Variants in ZNF407 observed in about 807,000 individuals in gnomAD.
ZNF407 encodes the protein zinc finger protein 407.
A neutral mutation model predicts 131.2 loss-of-function variants in ZNF407; 17 were observed. The ratio of observed to expected loss-of-function variants is 0.13; its 90% CI spans 0.09 to 0.19. ZNF407 has a LOEUF of 0.19. Among genes scored for constraint, ZNF407 ranks in the 10% least tolerant of loss-of-function variants. The probability of loss-of-function intolerance (pLI) is 1.00; values close to 1 mark genes in which losing one functional copy is unlikely to be tolerated. For synonymous variants in ZNF407, 1,156 were observed against 1,062.0 expected (o/e 1.09, Z -1.72); for missense variants, 2,681 against 2,830.6 (o/e 0.95, Z 1.20).
At chr18:74,768,921 C>T (rs1969302682) in intron 3 of ZNF407, among the ~76,000 whole-genome samples, 1 of 152,106 alleles carries the variant, frequency 6.6e-6, no homozygotes, top group African/African-American at 2.4e-5. Context: ...TCCTGTCAGC[C>T]AGTGCAATGC....
chr18:74,856,041 C>T (rs1970855035), intron 4 of ZNF407, among the ~76,000 whole-genome samples: 1 of 152,184 alleles, frequency 6.6e-6, no homozygotes, highest in Non-Finnish European at 1.5e-5. Context: ...TAGAACTTTC[C>T]CTTTCTTCTC....
In ZNF407 at chr18:74,835,629, GGTGTGTGTGTGT is replaced by G. The variant is rs60463192; in HGVS notation, c.4878-41541_4878-41530del. ...TGAGTTTGTGTCTTGGACAGAGGGG[GGTGTGTGTGTGT>G]GTGTGTGTGTGTGTGTGTGTGTGTG... On this transcript the variant is annotated intron_variant, in intron 4 of 8. Transcript: ENST00000299687. Among the ~76,000 whole-genome samples the G allele has an allele frequency of 1.5e-4, 14 of 92,198 alleles. No homozygotes were observed. In the South Asian group the frequency reaches 4.8e-3, roughly 31 times the overall value. The allele number at this position is 92,198 out of a possible 152,430, so 60.5% of individuals were successfully genotyped here.
intron 8 of ZNF407, among the ~76,000 whole-genome samples, chr18:74,995,921 C>T (rs536784986): frequency 1.3e-4 from 20 of 152,152 alleles, no homozygotes; most frequent in Admixed American, 1.2e-3. Context: ...ATTATAAGGC[C>T]ATGTATTCTT....
intron 4 of ZNF407, among the ~76,000 whole-genome samples, chr18:74,876,598 A>C (rs1971160057): frequency 6.6e-6 from 1 of 151,968 alleles, no homozygotes; most frequent in Non-Finnish European, 1.5e-5. Flanking sequence ...GTTAAGGTTT[A>C]TTTTTCTCAA....
chr18:74,670,128 G>A (rs1206256565), intron 3 of ZNF407, among the ~76,000 whole-genome samples: 2 of 152,168 alleles, frequency 1.3e-5, no homozygotes, highest in Non-Finnish European at 2.9e-5. Context: ...TCTGATCACC[G>A]TGCCAGGCAT....
chr18:74,664,615 T>C (rs1247036672), intron 3 of ZNF407, among the ~76,000 whole-genome samples: 1 of 152,206 alleles, frequency 6.6e-6, no homozygotes, highest in East Asian at 1.9e-4. Context: ...TCTAAAATAG[T>C]GCTTAATAAG....
intron 7 of ZNF407, among the ~76,000 whole-genome samples, chr18:74,901,383 T>C (rs1007201730): frequency 1.3e-5 from 2 of 152,234 alleles, no homozygotes; most frequent in Admixed American, 6.5e-5. Context: ...GTTTTGTACA[T>C]ATTCTCTCAA....
intron 3 of ZNF407, among the ~76,000 whole-genome samples, chr18:74,704,611 A>G (rs1967580567): frequency 6.6e-6 from 1 of 152,224 alleles, no homozygotes; most frequent in African/African-American, 2.4e-5. Context: ...AGGTTATCAC[A>G]ATTTAATACT....
intron 7 of ZNF407, among the ~76,000 whole-genome samples, chr18:74,901,859 A>G (rs1971529660): frequency 6.6e-6 from 1 of 151,616 alleles, no homozygotes; most frequent in Non-Finnish European, 1.5e-5. Flanking sequence ...CTTTTAAAAC[A>G]CTGTATGTTG....
chr18:75,053,252 G>A (rs1393321603), intron 8 of ZNF407, among the ~76,000 whole-genome samples: 1 of 152,136 alleles, frequency 6.6e-6, no homozygotes, highest in Non-Finnish European at 1.5e-5. Flanking sequence ...GCCTCACCCC[G>A]TCCTGTGCAT....
intron 4 of ZNF407, among the ~76,000 whole-genome samples, chr18:74,853,305 T>A (rs1165787823): frequency 6.6e-6 from 1 of 152,188 alleles, no homozygotes; most frequent in East Asian, 1.9e-4. Flanking sequence ...AGCCTTCCGT[T>A]TTCCAGTTAA....
At chr18:74,976,623 C>T (rs1487209836) in intron 8 of ZNF407, among the ~76,000 whole-genome samples, 1 of 152,214 alleles carries the variant, frequency 6.6e-6, no homozygotes, top group African/African-American at 2.4e-5. Context: ...CCTTTGACTA[C>T]AAGGCATCAG....
intron 3 of ZNF407, among the ~76,000 whole-genome samples, chr18:74,735,940 T>G (rs548925729): frequency 6.6e-6 from 1 of 152,332 alleles, no homozygotes; most frequent in East Asian, 1.9e-4. Context: ...TACTAATTGA[T>G]TACAGTAATT....
At chr18:74,828,021 C>T (rs1970432132) in intron 4 of ZNF407, among the ~76,000 whole-genome samples, 1 of 152,168 alleles carries the variant, frequency 6.6e-6, no homozygotes, top group Admixed American at 6.5e-5. Flanking sequence ...GCCGGTCTGC[C>T]TCGCTACTCA....
chr18:74,807,661 C>T lies in ZNF407; in HGVS notation c.4877+26159C>T, dbSNP rs183934563. 2.6e-3 allele frequency among the ~76,000 whole-genome samples: 401 copies of T among 152,304 alleles called. 3 individuals carry two copies. The highest frequency in any genetic ancestry group is 9.1e-3 in the African/African-American group (378 of 41,556). ...TAAAATGTATCCAATAGAATGTTAA[C>T]ACCATGATGATTTGATTCCCACCGT... On this transcript the variant is annotated intron_variant, in intron 4 of 8. Transcript: ENST00000299687.
chr18:74,722,479 T>C lies in ZNF407; in HGVS notation c.4803-58949T>C, dbSNP rs369329960. 1.1e-3 allele frequency among the ~76,000 whole-genome samples: 174 copies of C among 152,326 alleles called. 4 individuals carry two copies. The South Asian group carries it at 0.033, about 29-fold the overall frequency. Reference sequence around the variant, plus strand: ...TTGGCTGTGTGTCAGGATTTCCTCATTGGCTTTCTGTCAACTTTGTTACTT... The same window carrying C: ...TTGGCTGTGTGTCAGGATTTCCTCACTGGCTTTCTGTCAACTTTGTTACTT... On this transcript the variant is annotated intron_variant, in intron 3 of 8. Transcript: ENST00000299687.
intron 4 of ZNF407, among the ~76,000 whole-genome samples, chr18:74,782,560 CT>C (rs1162507546): frequency 1.9e-5 from 2 of 106,744 alleles, no homozygotes; most frequent in African/African-American, 1.2e-4. Context: ...CTCCCCTCCT[CT>C]TCTCTTCTCT....
chr18:74,740,942 C>T (rs796467125), intron 3 of ZNF407, among the ~76,000 whole-genome samples: 13 of 152,128 alleles, frequency 8.5e-5, no homozygotes, highest in African/African-American at 2.4e-4. Flanking sequence ...CAAATCAGCT[C>T]GGTACCAGTT....
chr18:74,802,479 G>A (rs116273017), intron 4 of ZNF407, among the ~76,000 whole-genome samples: 2,476 of 152,244 alleles, frequency 0.016, 76 homozygotes, highest in African/African-American at 0.056. Context: ...CCGACAATGT[G>A]TGGTAGTTGT....
Sources: allele counts gnomAD v4.1 joint callset (sites outside exome capture counted in the v4.1 genomes callset), GRCh38; gene constraint gnomAD v4.1.1; transcripts MANE v1.5; gene names NCBI Gene and HGNC (gene_info 2026-07-23, HGNC 2026-07-21).